MIDEAS: variants seen among roughly 807,000 people sequenced by gnomAD.
MIDEAS encodes the protein mitotic deacetylase associated SANT domain protein, also known as mitotic deacetylase-associated SANT domain protein.
A neutral mutation model predicts 102.7 loss-of-function variants in MIDEAS; 26 were observed. The observed-to-expected ratio is 0.25, with a 90% CI of 0.19 to 0.35. The LOEUF (loss-of-function observed/expected upper bound fraction) is 0.35, where lower values mean the gene tolerates loss of function less well. Among genes scored for constraint, MIDEAS ranks in the 10% least tolerant of loss-of-function variants. The pLI, the probability that MIDEAS is intolerant of heterozygous loss-of-function variation, is 1.00. For missense variants in MIDEAS, 1,231 were observed against 1,435.6 expected (o/e 0.86, Z 2.30); for synonymous variants, 585 against 591.0 (o/e 0.99, Z 0.15).
At chr14:73,727,256 C>T (rs992771088) in intron 5 of MIDEAS, 6 of 646,084 alleles carry the variant, frequency 9.3e-6, no homozygotes, top group South Asian at 1.9e-5. Context: ...CAAGCTGAGC[C>T]GGTCCTTGCC....
upstream of MIDEAS, among the ~76,000 whole-genome samples, chr14:73,764,747 C>T (rs1404886103): frequency 2.6e-5 from 4 of 152,260 alleles, no homozygotes; most frequent in South Asian, 2.1e-4. Context: ...CCTCCTCCTC[C>T]GCTCACATTG....
At chr14:73,789,011 T>A (rs1376727632), upstream of MIDEAS, 1 of 152,140 alleles carries the variant, frequency 6.6e-6, no homozygotes, top group Non-Finnish European at 1.5e-5. Context: ...ATACATTGCT[T>A]TTTTCTCTAT....
At chr14:73,726,008 C>G in intron 8 of MIDEAS, 25 bp downstream of exon 8, 1 of 1,568,532 alleles carries the variant, frequency 6.4e-7, no homozygotes, top group South Asian at 1.2e-5. Flanking sequence ...GCTCCAGGCA[C>G]CATGCCCACC....
intron 1 of MIDEAS, among the ~76,000 whole-genome samples, chr14:73,778,168 A>G (rs955568362): frequency 1.3e-5 from 2 of 151,876 alleles, no homozygotes; most frequent in African/African-American, 4.8e-5. Context: ...CAGCCTGGCC[A>G]ACATAGTGCA....
At chr14:73,731,098 C>T (rs1033295504) in intron 3 of MIDEAS, among the ~76,000 whole-genome samples, 1 of 152,220 alleles carries the variant, frequency 6.6e-6, no homozygotes, top group African/African-American at 2.4e-5. Context: ...CTTCTCCCTG[C>T]TAGGTACGCC....
At chr14:73,727,065 C>T in intron 5 of MIDEAS, 93 bp from the exon 6 acceptor site, 2 of 1,470,826 alleles carry the variant, frequency 1.4e-6, no homozygotes, top group Non-Finnish European at 9.1e-7. Context: ...TGAGGGGGAG[C>T]CGGCAGAGCA....
intron 1 of MIDEAS, among the ~76,000 whole-genome samples, chr14:73,741,845 CT>C (rs1268619838): frequency 6.6e-6 from 1 of 152,162 alleles, no homozygotes; most frequent in Non-Finnish European, 1.5e-5. Flanking sequence ...CGTGTGCAGC[CT>C]TTGTCTTTTC....
At chr14:73,746,907 C>T (rs1397567093) in intron 1 of MIDEAS, among the ~76,000 whole-genome samples, 1 of 152,164 alleles carries the variant, frequency 6.6e-6, no homozygotes, top group African/African-American at 2.4e-5. Context: ...GCTTCCAGGC[C>T]GGTGGGGAGA....
chr14:73,719,211 C>G, intron 12 of MIDEAS, 94 bp downstream of exon 12: 1 of 1,514,826 alleles, frequency 6.6e-7, no homozygotes, highest in Non-Finnish European at 8.8e-7. Flanking sequence ...GCGGACACCG[C>G]CTGTACCTCT....
intron 1 of MIDEAS, among the ~76,000 whole-genome samples, chr14:73,770,900 G>C (rs1425876437): frequency 6.6e-6 from 1 of 152,194 alleles, no homozygotes; most frequent in Non-Finnish European, 1.5e-5. Flanking sequence ...CGAGAAGGCA[G>C]CTTGTTCCTT....
intron 1 of MIDEAS, among the ~76,000 whole-genome samples, chr14:73,756,266 CAG>C (rs2053477743): frequency 1.0e-5 from 1 of 100,356 alleles, no homozygotes; most frequent in Non-Finnish European, 1.8e-5. Context: ...GAGCCCATGT[CAG>C]TGTGTGTGTG....
intron 1 of MIDEAS, among the ~76,000 whole-genome samples, chr14:73,780,414 A>G (rs542447846): frequency 2.6e-5 from 4 of 152,344 alleles, no homozygotes; most frequent in African/African-American, 4.8e-5. Flanking sequence ...GGAGAAAAAG[A>G]AAAGTGGCCA....
intron 11 of MIDEAS, among the ~76,000 whole-genome samples, chr14:73,720,880 C>T (rs567770756): frequency 1.3e-5 from 2 of 152,344 alleles, no homozygotes; most frequent in Admixed American, 6.5e-5. Flanking sequence ...ATGGTCTCAG[C>T]TCAGTCTCAT....
chr14:73,719,241 A>ACCC, intron 12 of MIDEAS, 64 bp downstream of exon 12: 1 of 350,420 alleles, frequency 2.9e-6, no homozygotes, highest in South Asian at 3.8e-5. Flanking sequence ...CCTCCACCCC[A>ACCC]CCCCCGCCCC....
At chr14:73,764,698 C>T (rs181266070), upstream of MIDEAS, among the ~76,000 whole-genome samples, 95 of 152,358 alleles carry the variant, frequency 6.2e-4, no homozygotes, top group African/African-American at 2.0e-3. Context: ...TGTCTCTGCA[C>T]TGTCTTCTCT....
intron 1 of MIDEAS, among the ~76,000 whole-genome samples, chr14:73,774,013 C>T (rs1337607479): frequency 1.3e-4 from 15 of 115,414 alleles, no homozygotes; most frequent in African/African-American, 5.1e-4. Flanking sequence ...CAGGGTGAGA[C>T]TGAATCTCAA....
At position 73,739,853 on chromosome 14, in the gene MIDEAS, T is replaced by C; in HGVS notation, c.156A>G (p.Pro52=). 2.5e-6 allele frequency: 4 copies of C among 1,598,392 alleles called. No individual in the cohort carries two copies. The highest frequency in any genetic ancestry group is 1.3e-5 in the African/African-American group (1 of 74,618). The change falls in exon 2 of 13, where the codon CCA becomes CCG. Residue 52 remains proline (P), a synonymous_variant. Transcript: ENST00000423556. The part of the protein sequence containing the change: ...KEEQYLGHEG[P]GGAVSTSQPV... ...GCTGAGAGGTGGAGACTGCCCCTCC[T>C]GGACCCTCGTGCCCGAGGTACTGCT...
At chr14:73,783,558 G>A (rs1030058062) in intron 1 of MIDEAS, among the ~76,000 whole-genome samples, 1 of 152,196 alleles carries the variant, frequency 6.6e-6, no homozygotes, top group Non-Finnish European at 1.5e-5. Flanking sequence ...GAAGGTTGCT[G>A]AGCAGGAAGG....
chr14:73,729,621 G>GC lies in MIDEAS; in HGVS notation c.2095+18dup. On this transcript the variant is annotated intron_variant, in intron 4 of 12. Transcript: ENST00000423556. ...CCCCAGCCCCGCTCCTGCCAGGGTC[G>GC]CGGAGGGAGGTCACTCACTAGTCCG... 1 of 1,578,164 alleles carries GC rather than the reference G, an allele frequency of 6.3e-7. No homozygotes were observed. The highest frequency in any genetic ancestry group is 8.6e-7 in the Non-Finnish European group (1 of 1,156,616).
Sources: gnomAD v4.1 joint callset for allele counts (sites outside exome capture counted in the v4.1 genomes callset) on GRCh38, gnomAD v4.1.1 for gene constraint, MANE v1.5 for transcripts, NCBI Gene and HGNC (gene_info 2026-07-23, HGNC 2026-07-21) for gene names.